The following C1QTNF3 variants were observed in gnomAD, a reference collection of about 807,000 sequenced individuals.
The protein encoded by C1QTNF3 is C1q and TNF related 3, also known as complement C1q tumor necrosis factor-related protein 3.
A neutral mutation model predicts 32.6 loss-of-function variants in C1QTNF3; 26 were observed. The observed-to-expected ratio is 0.80, with a 90% confidence interval of 0.58 to 1.11. The LOEUF (loss-of-function observed/expected upper bound fraction) is 1.11. Among genes scored for constraint, C1QTNF3 ranks in the 50% least tolerant of loss-of-function variants. C1QTNF3 has a pLI of 0.00. For synonymous variants in C1QTNF3, 155 were observed against 146.0 expected, an observed-to-expected ratio of 1.06 and a Z score of -0.44; for missense variants, 362 against 398.2, an observed-to-expected ratio of 0.91 and a Z score of 0.77.
chr5:34,131,991 T>G, the C1QTNF3 span, among the ~76,000 whole-genome samples: 3 of 152,170 alleles, frequency 2.0e-5, no homozygotes, highest in Admixed American at 1.3e-4. Flanking sequence ...TATTAAAACA[T>G]TCGATAAATT....
At chr5:34,221,061 C>G in the C1QTNF3 span, among the ~76,000 whole-genome samples, 1 of 152,080 alleles carries the variant, frequency 6.6e-6, no homozygotes, top group Admixed American at 6.6e-5. Flanking sequence ...GGAAAGAAAT[C>G]TTTTCTTGAA....
the C1QTNF3 span, among the ~76,000 whole-genome samples, chr5:34,235,546 C>CTTTTTTTTT: frequency 9.6e-6 from 1 of 103,928 alleles, no homozygotes; most frequent in African/African-American, 3.6e-5. Flanking sequence ...ATTTCTTTTT[C>CTTTTTTTTT]TTTTTTTTTT....
the C1QTNF3 span, among the ~76,000 whole-genome samples, chr5:34,207,275 G>GATATAT: frequency 6.3e-5 from 9 of 143,078 alleles, no homozygotes; most frequent in African/African-American, 1.3e-4. Context: ...TCAAATTTGA[G>GATATAT]ATATATATAT....
At chr5:34,039,897 A>C (rs929756604) in intron 1 of C1QTNF3, among the ~76,000 whole-genome samples, 1 of 152,210 alleles carries the variant, frequency 6.6e-6, no homozygotes, top group Non-Finnish European at 1.5e-5. Flanking sequence ...TGGAAGTGCA[A>C]GACCAAGCTA....
At chr5:34,237,566 T>C in the C1QTNF3 span, among the ~76,000 whole-genome samples, 69 of 152,244 alleles carry the variant, frequency 4.5e-4, no homozygotes, top group African/African-American at 1.5e-3. Context: ...TCTGCGACAA[T>C]AGATGGTCAA....
At chr5:34,110,812 ATTTCT>A in the C1QTNF3 span, among the ~76,000 whole-genome samples, 1 of 151,878 alleles carries the variant, frequency 6.6e-6, no homozygotes, top group African/African-American at 2.4e-5. Context: ...TATTAAAGAG[ATTTCT>A]TTTGTCAGAA....
At chr5:34,116,396 G>T in the C1QTNF3 span, among the ~76,000 whole-genome samples, 1 of 152,066 alleles carries the variant, frequency 6.6e-6, no homozygotes, top group Admixed American at 6.5e-5. Flanking sequence ...CTGTCTCCTT[G>T]TTCTATTCTC....
chr5:34,120,472 A>C, the C1QTNF3 span, among the ~76,000 whole-genome samples: 1 of 152,196 alleles, frequency 6.6e-6, no homozygotes, highest in Non-Finnish European at 1.5e-5. Context: ...GAAAAGAACA[A>C]TATGCCATAT....
chr5:34,166,019 A>G, the C1QTNF3 span: 20 of 147,940 alleles, frequency 1.4e-4, no homozygotes, highest in African/African-American at 4.5e-4. Flanking sequence ...TGACTATGAT[A>G]CTGCCACTCT....
chr5:34,026,294 T>A (rs1425088300), intron 4 of C1QTNF3, among the ~76,000 whole-genome samples: 1 of 151,566 alleles, frequency 6.6e-6, no homozygotes, highest in African/African-American at 2.4e-5. Context: ...CCAGGAGAAA[T>A]GCACTCCCTG....
the C1QTNF3 span, among the ~76,000 whole-genome samples, chr5:34,214,933 G>A: frequency 3.9e-5 from 6 of 152,142 alleles, no homozygotes; most frequent in Admixed American, 6.5e-5. Flanking sequence ...ATAACCTTTA[G>A]AGTTTAGAAT....
At chr5:34,050,144 C>T in the C1QTNF3 span, among the ~76,000 whole-genome samples, 1 of 152,164 alleles carries the variant, frequency 6.6e-6, no homozygotes, top group African/African-American at 2.4e-5. Context: ...ATAGGATAAG[C>T]CTTTTTGAAT....
chr5:34,178,151 C>A, the C1QTNF3 span, among the ~76,000 whole-genome samples: 1 of 145,554 alleles, frequency 6.9e-6, no homozygotes, highest in African/African-American at 2.5e-5. Flanking sequence ...CATGGTGGTG[C>A]ATGCCTGTAA....
chr5:34,196,555 G>A, the C1QTNF3 span, among the ~76,000 whole-genome samples: 1 of 152,292 alleles, frequency 6.6e-6, no homozygotes, highest in East Asian at 1.9e-4. Flanking sequence ...TTTATATGAC[G>A]AGGAAATGTT....
Position 34,020,473 on chromosome 5 carries a change from A to C in C1QTNF3, c.*110T>G. On this transcript the variant is annotated 3_prime_UTR_variant, in exon 6 of 6. Transcript: ENST00000382065. ...TAGCGTGAACAACATTGCAACCAAT[A>C]ATTTTTTGAATACAGCAATGTAAAA... is the stretch of plus-strand genomic sequence containing the variant. 1 of 1,319,144 alleles carries C rather than the reference A, an allele frequency of 7.6e-7. No homozygotes were observed. The allele number at this position is 1,319,144 out of a possible 1,614,324, so 81.7% of individuals were successfully genotyped here. A position where few individuals can be genotyped will look rare whatever the true frequency, so the allele number is the denominator to read the frequency against.
chr5:34,059,017 C>T, the C1QTNF3 span, among the ~76,000 whole-genome samples: 2 of 152,298 alleles, frequency 1.3e-5, no homozygotes, highest in South Asian at 2.1e-4. Flanking sequence ...GTTTGAACTG[C>T]GTGCAGGAGA....
the C1QTNF3 span, among the ~76,000 whole-genome samples, chr5:34,134,790 T>C: frequency 6.6e-6 from 1 of 152,348 alleles, no homozygotes; most frequent in East Asian, 1.9e-4. Context: ...GAGACTTTGC[T>C]GAAGTTGCTT....
At chr5:34,066,722 T>C in the C1QTNF3 span, among the ~76,000 whole-genome samples, 1 of 152,222 alleles carries the variant, frequency 6.6e-6, no homozygotes, top group Non-Finnish European at 1.5e-5. Flanking sequence ...GGACCTGTGA[T>C]GGGAGGTTCT....
At chr5:34,121,879 C>A in the C1QTNF3 span, among the ~76,000 whole-genome samples, 1 of 151,974 alleles carries the variant, frequency 6.6e-6, no homozygotes, top group Non-Finnish European at 1.5e-5. Flanking sequence ...GAGACCTCCC[C>A]CTGAGCTGTT....
Sources: gnomAD v4.1 joint callset for allele counts (sites outside exome capture counted in the v4.1 genomes callset) on GRCh38, gnomAD v4.1.1 for gene constraint, MANE v1.5 for transcripts, NCBI Gene and HGNC (gene_info 2026-07-23, HGNC 2026-07-21) for gene names.